The following MACROD2 variants were observed in gnomAD, a reference collection of about 807,000 sequenced individuals.
MACROD2 encodes the protein ADP-ribose glycohydrolase MACROD2.
MACROD2 carries 36 observed loss-of-function variants against 70.4 expected under a neutral mutation model. The ratio of observed to expected loss-of-function variants is 0.51; its 90% CI spans 0.39 to 0.68. The LOEUF (loss-of-function observed/expected upper bound fraction) is 0.68, where lower values mean the gene tolerates loss of function less well. Among genes scored for constraint, MACROD2 ranks in the 30% least tolerant of loss-of-function variants. The pLI is 0.00. For missense variants in MACROD2, 496 were observed against 538.4 expected (o/e 0.92, Z 0.78); for synonymous variants, 172 against 178.8 (o/e 0.96, Z 0.30).
intron 3 of MACROD2, among the ~76,000 whole-genome samples, chr20:14,376,914 A>G (rs1049871292): frequency 4.6e-5 from 7 of 152,008 alleles, no homozygotes; most frequent in Admixed American, 3.9e-4. Flanking sequence ...CTTATCTATA[A>G]AAGGCAATAA....
chr20:15,498,313 A>G (rs1275014884), intron 7 of MACROD2, among the ~76,000 whole-genome samples: 1 of 152,152 alleles, frequency 6.6e-6, no homozygotes, highest in Non-Finnish European at 1.5e-5. Flanking sequence ...CTGAACCATC[A>G]GTTTGAACTA....
chr20:15,912,715 G>T (rs1247799485), intron 10 of MACROD2, among the ~76,000 whole-genome samples: 1 of 152,162 alleles, frequency 6.6e-6, no homozygotes, highest in Non-Finnish European at 1.5e-5. Flanking sequence ...TTATTGGATT[G>T]CAAAGAGGAT....
intron 3 of MACROD2, among the ~76,000 whole-genome samples, chr20:14,138,024 G>C (rs2054822564): frequency 6.6e-6 from 1 of 152,176 alleles, no homozygotes; most frequent in Non-Finnish European, 1.5e-5. Flanking sequence ...TCAGTCATCA[G>C]GGAAATGCAA....
intron 5 of MACROD2, among the ~76,000 whole-genome samples, chr20:14,859,729 T>A (rs1473666109): frequency 6.6e-6 from 1 of 152,194 alleles, no homozygotes; most frequent in Non-Finnish European, 1.5e-5. Context: ...TTATCCATTT[T>A]TCCAATGCAT....
chr20:14,038,145 T>C (rs1362011798), intron 2 of MACROD2, among the ~76,000 whole-genome samples: 1 of 151,798 alleles, frequency 6.6e-6, no homozygotes, highest in Non-Finnish European at 1.5e-5. Flanking sequence ...AATACAAAAA[T>C]TATCTGGGTG....
intron 2 of MACROD2, among the ~76,000 whole-genome samples, chr20:14,012,122 G>A (rs372365834): frequency 1.3e-5 from 2 of 151,846 alleles, no homozygotes; most frequent in Non-Finnish European, 2.9e-5. Context: ...GGCCAGGCTG[G>A]TCTGGAACTC....
intron 5 of MACROD2, among the ~76,000 whole-genome samples, chr20:15,059,715 T>G (rs1400697375): frequency 6.6e-6 from 1 of 152,170 alleles, no homozygotes; most frequent in East Asian, 1.9e-4. Flanking sequence ...TATAGGAATT[T>G]CATGTGACTT....
At chr20:15,986,136 G>A (rs1485555152) in intron 13 of MACROD2, among the ~76,000 whole-genome samples, 1 of 152,184 alleles carries the variant, frequency 6.6e-6, no homozygotes, top group African/African-American at 2.4e-5. Context: ...CTGGTTTCGG[G>A]GCTGGTGCCG....
At chr20:15,793,467 T>G (rs1053130208) in intron 8 of MACROD2, among the ~76,000 whole-genome samples, 3 of 152,182 alleles carry the variant, frequency 2.0e-5, no homozygotes, top group South Asian at 2.1e-4. Flanking sequence ...ATTTCTTTTG[T>G]TTTTCCTTTA....
At chr20:15,114,280 C>A (rs777737343) in intron 5 of MACROD2, among the ~76,000 whole-genome samples, 4 of 152,204 alleles carry the variant, frequency 2.6e-5, no homozygotes, top group Non-Finnish European at 5.9e-5. Context: ...TTGGGCAAAA[C>A]CCATGACTTG....
At chr20:14,319,359 T>C (rs2122542531) in intron 3 of MACROD2, among the ~76,000 whole-genome samples, 1 of 152,300 alleles carries the variant, frequency 6.6e-6, no homozygotes, top group African/African-American at 2.4e-5. Context: ...AACTTTCTTT[T>C]CTCCTATTAA....
chr20:14,006,513 C>T (rs2052824208), intron 2 of MACROD2, among the ~76,000 whole-genome samples: 1 of 151,982 alleles, frequency 6.6e-6, no homozygotes, highest in Non-Finnish European at 1.5e-5. Context: ...ACTATTATTA[C>T]CTCTCACATT....
chr20:14,895,232 A>G (rs2073813210), intron 5 of MACROD2: 1 of 152,218 alleles, frequency 6.6e-6, no homozygotes, highest in African/African-American at 2.4e-5. Flanking sequence ...AGAGCAAGCA[A>G]AGTGCCTTCC....
chr20:14,542,943 G>T (rs2085451307), intron 4 of MACROD2, among the ~76,000 whole-genome samples: 1 of 124,846 alleles, frequency 8.0e-6, no homozygotes, highest in South Asian at 3.1e-4. Context: ...TAATGAAATG[G>T]TAAATTATTA....
At chr20:14,561,812 C>T (rs1979450940) in intron 4 of MACROD2, among the ~76,000 whole-genome samples, 3 of 151,790 alleles carry the variant, frequency 2.0e-5, no homozygotes, top group Admixed American at 2.0e-4. Context: ...TGCCTCTTCT[C>T]TATTACAGCT....
intron 3 of MACROD2, among the ~76,000 whole-genome samples, chr20:14,394,776 G>C (rs1186824605): frequency 1.3e-5 from 2 of 152,126 alleles, no homozygotes; most frequent in African/African-American, 4.8e-5. Flanking sequence ...AGTTTGCTGA[G>C]AAGTTTTATA....
intron 5 of MACROD2, among the ~76,000 whole-genome samples, chr20:15,085,667 A>G (rs2075741393): frequency 6.6e-6 from 1 of 151,838 alleles, no homozygotes; most frequent in South Asian, 2.1e-4. Context: ...CTAGCATAAT[A>G]CTTGTATATC....
chr20:15,716,232 G>A (rs1336722682), intron 8 of MACROD2, among the ~76,000 whole-genome samples: 4 of 152,086 alleles, frequency 2.6e-5, no homozygotes, highest in South Asian at 4.1e-4. Flanking sequence ...TTTAAATAAC[G>A]TTATTTGGCA....
rs1372684991 is a variant in MACROD2, at chr20:15,202,570, G to C, written c.419-27370G>C. Among the ~76,000 whole-genome samples the C allele has an allele frequency of 3.9e-5, 6 of 152,172 alleles. No homozygotes were observed. The East Asian group carries it at 1.2e-3, about 29-fold the overall frequency. On this transcript the variant is annotated intron_variant, in intron 5 of 17. Transcript: ENST00000684519. ...TTTAAGTTCATCTATTTTTTAAAAT[G>C]ATTTAAAATAATCACATTAACCCAG... is the stretch of plus-strand genomic sequence containing the variant.
Sources: allele counts gnomAD v4.1 joint callset (sites outside exome capture counted in the v4.1 genomes callset), GRCh38; gene constraint gnomAD v4.1.1; transcripts MANE v1.5; gene names NCBI Gene and HGNC (gene_info 2026-07-23, HGNC 2026-07-21).